Variants in AFF2 observed in about 807,000 individuals in gnomAD.
AFF2 encodes AF4/FMR2 family member 2.
In AFF2, 14 loss-of-function variants were observed where a neutral mutation model predicts 76.9. The ratio of observed to expected loss-of-function variants is 0.18; its 90% CI spans 0.12 to 0.28. AFF2 has a LOEUF of 0.28. AFF2 is among the 10% of genes least tolerant of loss of function. AFF2 has a pLI of 1.00. For synonymous variants in AFF2, 398 were observed against 366.7 expected, an observed-to-expected ratio of 1.09 and a Z score of -0.98; for missense variants, 868 against 1,001.1, an observed-to-expected ratio of 0.87 and a Z score of 1.79.
intron 1 of AFF2, among the ~76,000 whole-genome samples, chrX:148,568,281 G>A (rs1395054406): frequency 9.0e-6 from 1 of 111,726 alleles, no homozygotes; most frequent in Non-Finnish European, 1.9e-5. Flanking sequence ...TCCAAAGTAC[G>A]CATTCGAATC....
intron 7 of AFF2, among the ~76,000 whole-genome samples, chrX:148,867,672 T>A (rs2070923493): frequency 8.9e-6 from 1 of 112,246 alleles, no homozygotes; most frequent in South Asian, 3.7e-4. Flanking sequence ...CGGCTTCTTA[T>A]GTGTTCAGAT....
intron 3 of AFF2, among the ~76,000 whole-genome samples, chrX:148,790,101 A>G (rs782479066): frequency 1.8e-5 from 2 of 112,266 alleles, no homozygotes; most frequent in South Asian, 7.4e-4. Context: ...TGAATTGCCC[A>G]AACAGTGGTA....
chrX:148,541,417 G>C (rs2052854722), intron 1 of AFF2, among the ~76,000 whole-genome samples: 1 of 111,738 alleles, frequency 8.9e-6, no homozygotes, highest in Non-Finnish European at 1.9e-5. Flanking sequence ...GACTATGATG[G>C]ATGTGACAAG....
chrX:148,513,699 A>G (rs953264424), intron 1 of AFF2, among the ~76,000 whole-genome samples: 1 of 111,870 alleles, frequency 8.9e-6, no homozygotes, highest in Non-Finnish European at 1.9e-5. Context: ...AATTGAACAT[A>G]ATCATAAAAA....
At chrX:148,886,202 A>C (rs979122833) in intron 8 of AFF2, among the ~76,000 whole-genome samples, 1 of 111,385 alleles carries the variant, frequency 9.0e-6, no homozygotes, top group Admixed American at 9.5e-5. Flanking sequence ...GCTCTTTAAA[A>C]CTGCTTTCAA....
chrX:148,783,514 C>T (rs1050668381), intron 3 of AFF2, among the ~76,000 whole-genome samples: 7 of 111,701 alleles, frequency 6.3e-5, no homozygotes, highest in Middle Eastern at 9.2e-3. Context: ...GGAAAATAAG[C>T]GGAGATTGTC....
chrX:148,673,859 G>A (rs2054451214), intron 3 of AFF2, among the ~76,000 whole-genome samples: 1 of 111,984 alleles, frequency 8.9e-6, no homozygotes, highest in African/African-American at 3.2e-5. Flanking sequence ...AAAGACAATG[G>A]CTCTGGATAA....
chrX:148,965,382 T>C (rs782437763), intron 13 of AFF2, among the ~76,000 whole-genome samples: 1 of 112,146 alleles, frequency 8.9e-6, no homozygotes, highest in African/African-American at 3.2e-5. Context: ...AGGAGCATTA[T>C]CATTTTTCAA....
At chrX:148,937,149 G>A (rs1008551491) in intron 9 of AFF2, among the ~76,000 whole-genome samples, 11 of 111,682 alleles carry the variant, frequency 9.8e-5, no homozygotes, top group African/African-American at 3.6e-4. Flanking sequence ...AAGGTTCTCT[G>A]CTTCCAAATG....
intron 1 of AFF2, among the ~76,000 whole-genome samples, chrX:148,623,573 C>CAT (rs1396465761): frequency 1.1e-4 from 11 of 102,735 alleles, no homozygotes; most frequent in South Asian, 4.3e-4. Context: ...TTATATAGTT[C>CAT]ATATATATGT....
chrX:148,604,573 C>T, intron 1 of AFF2, among the ~76,000 whole-genome samples: 1 of 110,685 alleles, frequency 9.0e-6, no homozygotes. Context: ...TGAGAGAGGA[C>T]ATGCAAATTG....
At chrX:148,501,479 C>G (rs1040001923) in intron 1 of AFF2, among the ~76,000 whole-genome samples, 1 of 113,357 alleles carries the variant, frequency 8.8e-6, no homozygotes, top group Admixed American at 9.2e-5. Flanking sequence ...GCTTGCCGGT[C>G]TGGCCTCCTT....
chrX:148,625,544 A>G (rs1290833697), intron 1 of AFF2, among the ~76,000 whole-genome samples: 1 of 110,680 alleles, frequency 9.0e-6, no homozygotes, highest in Non-Finnish European at 1.9e-5. Context: ...AGGACACTTC[A>G]TTTAGTGATC....
At chrX:148,704,356 A>T (rs1333390627) in intron 3 of AFF2, among the ~76,000 whole-genome samples, 1 of 57,141 alleles carries the variant, frequency 1.8e-5, no homozygotes, top group African/African-American at 7.6e-5. Context: ...ATATATTTAT[A>T]TATATATGTG....
At chrX:148,726,373 T>A (rs781819003) in intron 3 of AFF2, among the ~76,000 whole-genome samples, 1 of 112,033 alleles carries the variant, frequency 8.9e-6, no homozygotes, top group Non-Finnish European at 1.9e-5. Flanking sequence ...GGGCCCCAGG[T>A]GGGCAAAACA....
intron 1 of AFF2, among the ~76,000 whole-genome samples, chrX:148,642,181 G>A (rs1417917686): frequency 7.1e-5 from 8 of 112,001 alleles, no homozygotes; most frequent in African/African-American, 2.6e-4. Flanking sequence ...GGAGTGCATG[G>A]TAGAAGGAGG....
chrX:148,775,233 C>A (rs1459180755), intron 3 of AFF2, among the ~76,000 whole-genome samples: 1 of 111,596 alleles, frequency 9.0e-6, no homozygotes, highest in Non-Finnish European at 1.9e-5. Flanking sequence ...CCTATAAGTT[C>A]TGTATAATAT....
chrX:148,711,398 G>C (rs1783552932), intron 3 of AFF2, among the ~76,000 whole-genome samples: 1 of 111,871 alleles, frequency 8.9e-6, no homozygotes, highest in Admixed American at 9.5e-5. Context: ...TGTGGGACTA[G>C]TCTAGGTTAA....
intron 4 of AFF2, among the ~76,000 whole-genome samples, chrX:148,820,961 G>A (rs1347345902): frequency 9.0e-6 from 1 of 111,301 alleles, no homozygotes; most frequent in African/African-American, 3.3e-5. Flanking sequence ...GGCTGTGGCT[G>A]CCTGAGAGAC....
Sources: allele counts gnomAD v4.1 joint callset (sites outside exome capture counted in the v4.1 genomes callset), GRCh38; gene constraint gnomAD v4.1.1; transcripts MANE v1.5; gene names NCBI Gene and HGNC (gene_info 2026-07-23, HGNC 2026-07-21).